APBA2: variants seen among roughly 807,000 people sequenced by gnomAD.
APBA2 encodes the protein amyloid-beta A4 precursor protein-binding family A member 2.
In APBA2, 30 loss-of-function variants were observed where a neutral mutation model predicts 75.0. The observed-to-expected ratio is 0.40, with a 90% confidence interval of 0.30 to 0.54. APBA2 has a LOEUF of 0.54. APBA2 is among the 20% of genes least tolerant of loss of function. The pLI, the probability that APBA2 is intolerant of heterozygous loss-of-function variation, is 0.49. For synonymous variants in APBA2, 444 were observed against 409.6 expected (o/e 1.08, Z -1.01); for missense variants, 801 against 1,016.1 (o/e 0.79, Z 2.88).
chr15:28,963,541 T>C (rs10162860), intron 2 of APBA2, among the ~76,000 whole-genome samples: 44,144 of 152,052 alleles, frequency 0.29, 11,037 homozygotes, highest in African/African-American at 0.66. Flanking sequence ...AGCTGTGACT[T>C]ACTTCTGTTA....
Position 29,093,222 on chromosome 15 carries a change from T to C in APBA2, c.1215+2T>C. On this transcript the variant is annotated splice_donor_variant, in intron 7 of 14. Transcript: ENST00000683413. LOFTEE classifies it high-confidence loss of function. ...CAGGAGGCCGTCAGCCGGGTCAAGGTAGAGGTGCTTCGAGGGCCCCTCGCG... is the reference window on the plus strand; with the variant it reads ...CAGGAGGCCGTCAGCCGGGTCAAGGCAGAGGTGCTTCGAGGGCCCCTCGCG... 6.2e-7 allele frequency: 1 copy of C among 1,614,170 alleles called. No homozygotes were observed. The highest frequency in any genetic ancestry group is 8.5e-7 in the Non-Finnish European group (1 of 1,180,038).
At chr15:28,978,934 G>A (rs1163604166) in intron 2 of APBA2, among the ~76,000 whole-genome samples, 2 of 152,238 alleles carry the variant, frequency 1.3e-5, no homozygotes, top group African/African-American at 4.8e-5. Context: ...AGGGCTCTAT[G>A]CCCGGCAGGT....
chr15:29,064,476 A>G (rs968775907), intron 4 of APBA2, among the ~76,000 whole-genome samples: 1 of 152,148 alleles, frequency 6.6e-6, no homozygotes, highest in Admixed American at 6.5e-5. Context: ...CCCCGCCCCC[A>G]TCCAGGTGTG....
At chr15:28,899,894 A>G (rs1230255971) in intron 1 of APBA2, among the ~76,000 whole-genome samples, 2 of 152,192 alleles carry the variant, frequency 1.3e-5, no homozygotes, top group Non-Finnish European at 2.9e-5. Context: ...TCTGTAATAT[A>G]CTATGAAAAA....
At chr15:29,074,307 G>T (rs918331843) in intron 4 of APBA2, among the ~76,000 whole-genome samples, 1 of 152,182 alleles carries the variant, frequency 6.6e-6, no homozygotes, top group Non-Finnish European at 1.5e-5. Flanking sequence ...ATGTGATTCA[G>T]CCCTTAAAGG....
At chr15:28,987,812 A>G (rs1393937281) in intron 2 of APBA2, among the ~76,000 whole-genome samples, 2 of 141,940 alleles carry the variant, frequency 1.4e-5, no homozygotes, top group Non-Finnish European at 3.0e-5. Context: ...GCTGGAGTGC[A>G]GTGATGTGAT....
intron 13 of APBA2, among the ~76,000 whole-genome samples, chr15:29,110,217 C>G (rs2044655726): frequency 6.6e-6 from 1 of 152,238 alleles, no homozygotes; most frequent in Admixed American, 6.5e-5. Flanking sequence ...GCCTCCCACC[C>G]CAGCACTGGG....
At chr15:29,011,812 C>T (rs956427605) in intron 3 of APBA2, among the ~76,000 whole-genome samples, 3 of 152,058 alleles carry the variant, frequency 2.0e-5, no homozygotes, top group Non-Finnish European at 4.4e-5. Context: ...TGTCAATTCT[C>T]CCTTTATAAA....
chr15:29,052,461 A>AG (rs1324213034), intron 3 of APBA2, among the ~76,000 whole-genome samples: 2 of 151,152 alleles, frequency 1.3e-5, no homozygotes, highest in African/African-American at 4.9e-5. Flanking sequence ...TCTCAAAAAA[A>AG]AAAAAAAGAA....
chr15:28,950,487 C>T (rs1384002747), intron 2 of APBA2, among the ~76,000 whole-genome samples: 3 of 151,936 alleles, frequency 2.0e-5, no homozygotes, highest in South Asian at 2.1e-4. Flanking sequence ...ATTAGCCAGG[C>T]GTGGTGGTGG....
chr15:28,937,803 C>T (rs1348518637), intron 2 of APBA2, among the ~76,000 whole-genome samples: 1 of 152,052 alleles, frequency 6.6e-6, no homozygotes, highest in Non-Finnish European at 1.5e-5. Flanking sequence ...ACTACAGGCG[C>T]CCGCCACCAC....
At chr15:29,039,651 G>A (rs1375138029) in intron 3 of APBA2, among the ~76,000 whole-genome samples, 2 of 152,152 alleles carry the variant, frequency 1.3e-5, no homozygotes, top group South Asian at 2.1e-4. Flanking sequence ...GCCAGTTTTC[G>A]TGTGGCGTGA....
intron 2 of APBA2, among the ~76,000 whole-genome samples, chr15:28,923,999 T>C (rs1217637027): frequency 1.3e-5 from 2 of 152,246 alleles, no homozygotes; most frequent in Non-Finnish European, 2.9e-5. Flanking sequence ...GCAGAAAGGC[T>C]GTGACCCCAC....
intron 3 of APBA2, among the ~76,000 whole-genome samples, chr15:29,001,579 T>G (rs1001339306): frequency 6.6e-6 from 1 of 152,290 alleles, no homozygotes; most frequent in East Asian, 1.9e-4. Flanking sequence ...GGCGGGTAGA[T>G]TGTGAGAATG....
intron 6 of APBA2, among the ~76,000 whole-genome samples, chr15:29,090,554 G>A (rs12910076): frequency 0.66 from 99,902 of 152,178 alleles, 38,323 homozygotes; most frequent in Non-Finnish European, 0.85. Flanking sequence ...CCTCCCCAGG[G>A]CCTGGGGCTG....
intron 3 of APBA2, among the ~76,000 whole-genome samples, chr15:29,038,535 G>A (rs1214502428): frequency 3.9e-5 from 6 of 152,112 alleles, no homozygotes; most frequent in Non-Finnish European, 5.9e-5. Flanking sequence ...CTGGTCCTGC[G>A]ATTAGAGCCC....
intron 3 of APBA2, among the ~76,000 whole-genome samples, chr15:29,028,477 G>C (rs2040334766): frequency 6.6e-6 from 1 of 152,182 alleles, no homozygotes; most frequent in South Asian, 2.1e-4. Flanking sequence ...AGGGGTGCAT[G>C]TATCTTTGTA....
intron 10 of APBA2, among the ~76,000 whole-genome samples, chr15:29,102,917 C>A (rs1486467711): frequency 6.6e-6 from 1 of 151,382 alleles, no homozygotes; most frequent in South Asian, 2.1e-4. Flanking sequence ...AGGGTTCAAA[C>A]CTTTGGCTGG....
intron 1 of APBA2, among the ~76,000 whole-genome samples, chr15:28,901,742 C>T (rs559562815): frequency 6.6e-6 from 1 of 152,210 alleles, no homozygotes; most frequent in Non-Finnish European, 1.5e-5. Flanking sequence ...AGAGACTCTC[C>T]CTGCCCATGT....
Sources: gnomAD v4.1 joint callset for allele counts (sites outside exome capture counted in the v4.1 genomes callset) on GRCh38, gnomAD v4.1.1 for gene constraint, MANE v1.5 for transcripts, NCBI Gene and HGNC (gene_info 2026-07-23, HGNC 2026-07-21) for gene names.